The following ATAD2B variants were observed in gnomAD, a reference collection of about 807,000 sequenced individuals.
ATAD2B encodes ATPase family AAA domain-containing protein 2B.
In ATAD2B, 40 loss-of-function variants were observed where a neutral mutation model predicts 167.6. That is an observed-to-expected ratio of 0.24 (90% CI 0.19 to 0.31). The LOEUF is 0.31. Among genes scored for constraint, ATAD2B ranks in the 10% least tolerant of loss-of-function variants. The probability of loss-of-function intolerance (pLI) is 1.00; values close to 1 mark genes in which losing one functional copy is unlikely to be tolerated. For missense variants in ATAD2B, 1,242 were observed against 1,757.2 expected, an observed-to-expected ratio of 0.71 and a Z score of 5.24; for synonymous variants, 579 against 596.5, an observed-to-expected ratio of 0.97 and a Z score of 0.43.
intron 18 of ATAD2B, among the ~76,000 whole-genome samples, chr2:23,807,238 C>T (rs1272194192): frequency 6.6e-6 from 1 of 152,114 alleles, no homozygotes; most frequent in Non-Finnish European, 1.5e-5. Flanking sequence ...CTAAGCTTTG[C>T]TATTTACTAA....
chr2:23,736,652 G>C, the ATAD2B span, among the ~76,000 whole-genome samples: 1 of 152,168 alleles, frequency 6.6e-6, no homozygotes, highest in Non-Finnish European at 1.5e-5. Context: ...ATTTCCAACT[G>C]AGGTACCAGG....
At chr2:23,923,911 G>A (rs1157609368) in intron 1 of ATAD2B, among the ~76,000 whole-genome samples, 2 of 152,182 alleles carry the variant, frequency 1.3e-5, no homozygotes, top group African/African-American at 2.4e-5. Context: ...GGCTGGGCGC[G>A]GTGGCTCACG....
At chr2:23,863,580 G>A in intron 11 of ATAD2B, 25 bp from the exon 12 acceptor site, 2 of 1,528,282 alleles carry the variant, frequency 1.3e-6, no homozygotes, top group Non-Finnish European at 1.8e-6. Context: ...AAATCAAGAA[G>A]TGTAAATTAT....
chr2:23,757,687 C>T lies in ATAD2B; in HGVS notation c.3809G>A (p.Gly1270Asp), dbSNP rs761812706. The stretch of plus-strand genomic sequence containing the variant: ...TTCAAAACTGTCAGTGGAAGCCTCA[C>T]CATTTAGACAATTTCCTTTAAGGAA... Reference protein sequence around the residue: ...ETFLKGNCLNGEASTDSFEGI... With the variant: ...ETFLKGNCLNDEASTDSFEGI... Residue 1270 changes from glycine (G) to aspartate (D), a missense_variant, in exon 25 of 28, where the codon GGT becomes GAT. Physicochemically the swap from Gly to Asp is moderately conservative, Grantham distance 94. This residue lies in a region of ATAD2B where 282 missense variants were observed against 346.8 expected (regional missense o/e 0.81). Coordinates refer to ENST00000238789, the MANE Select transcript of ATAD2B (RefSeq NM_017552.4). The T allele has an allele frequency of 1.2e-6, 2 of 1,612,652 alleles. No homozygotes were observed. The highest frequency in any genetic ancestry group is 1.7e-6 in the Non-Finnish European group (2 of 1,179,474).
chr2:23,759,752 T>C (rs1055480275), intron 24 of ATAD2B, among the ~76,000 whole-genome samples: 1 of 152,182 alleles, frequency 6.6e-6, no homozygotes, highest in Non-Finnish European at 1.5e-5. Context: ...GTAATTAGCA[T>C]AGAGAAGAAA....
chr2:23,843,349 A>G (rs1691232055), intron 13 of ATAD2B, among the ~76,000 whole-genome samples: 1 of 152,264 alleles, frequency 6.6e-6, no homozygotes. Context: ...TAGACACAAA[A>G]TCAGAATAAA....
At chr2:23,799,835 A>G (rs1241005431) in intron 18 of ATAD2B, 1 of 152,100 alleles carries the variant, frequency 6.6e-6, no homozygotes, top group Non-Finnish European at 1.5e-5. Context: ...ATCAAAAGTA[A>G]TATTTGCTCC....
chr2:23,822,718 C>A (rs1297173611), intron 16 of ATAD2B, among the ~76,000 whole-genome samples: 1 of 151,530 alleles, frequency 6.6e-6, no homozygotes, highest in Non-Finnish European at 1.5e-5. Flanking sequence ...AAGTTGGAAA[C>A]CAGCCTGGCC....
intron 7 of ATAD2B, among the ~76,000 whole-genome samples, chr2:23,878,689 A>T (rs1323495233): frequency 1.3e-5 from 2 of 152,058 alleles, no homozygotes; most frequent in Non-Finnish European, 2.9e-5. Flanking sequence ...AAATAAAATA[A>T]TAAACTTCTG....
intron 1 of ATAD2B, among the ~76,000 whole-genome samples, chr2:23,899,466 C>T (rs931672101): frequency 4.6e-5 from 7 of 152,168 alleles, no homozygotes; most frequent in African/African-American, 1.7e-4. Flanking sequence ...AGCCAGCTAG[C>T]TACTTCCAAA....
intron 17 of ATAD2B, 89 bp downstream of exon 17, chr2:23,819,658 A>G (rs781489112): frequency 1.4e-5 from 15 of 1,075,850 alleles, no homozygotes; most frequent in Non-Finnish European, 1.7e-5. Context: ...CCTCACAGTT[A>G]TAACCATAAG....
chr2:23,786,215 C>G lies in ATAD2B; in HGVS notation c.2785G>C (p.Ala929Pro). The change falls in exon 21 of 28, where the codon GCT becomes CCT. Residue 929 changes from alanine (A) to proline (P), a missense_variant. Physicochemically the swap from Ala to Pro is conservative, Grantham distance 27. Around this residue, in one of 9 missense-constraint regions of ATAD2B, gnomAD observed 204 missense variants for 324.0 expected, o/e 0.63. Coordinates refer to ENST00000238789, the MANE Select transcript of ATAD2B (RefSeq NM_017552.4). ...AGTGCAAGAGGAAGCACTTCCATAG[C>G]ACAAAGAGCTAGAGAAAACAGAAGA... The part of the protein sequence containing the change: ...PPRRKHAALC[A>P]MEVLPLALPS... 1 of 1,574,152 alleles carries G rather than the reference C, an allele frequency of 6.4e-7. No individual in the cohort carries two copies. Among genetic ancestry groups the G allele is most frequent in the Non-Finnish European group, 8.6e-7 (1 of 1,159,178 alleles).
intron 13 of ATAD2B, among the ~76,000 whole-genome samples, chr2:23,834,884 C>G (rs1292264163): frequency 6.6e-6 from 1 of 152,030 alleles, no homozygotes; most frequent in Non-Finnish European, 1.5e-5. Context: ...GAGACCCCAT[C>G]TCCAAAAACG....
At chr2:23,693,430 G>T in the ATAD2B span, 4 of 1,551,716 alleles carry the variant, frequency 2.6e-6, no homozygotes, top group African/African-American at 2.7e-5. Context: ...CGACTTCATC[G>T]CCTACGTCTC....
At chr2:23,810,110 G>A (rs1685316992) in intron 18 of ATAD2B, among the ~76,000 whole-genome samples, 1 of 152,284 alleles carries the variant, frequency 6.6e-6, no homozygotes, top group Admixed American at 6.5e-5. Context: ...GGAGGATCAT[G>A]AGAAAGACAA....
intron 1 of ATAD2B, among the ~76,000 whole-genome samples, chr2:23,912,540 G>A (rs988313931): frequency 6.6e-6 from 1 of 151,864 alleles, no homozygotes; most frequent in Non-Finnish European, 1.5e-5. Context: ...ATGCCCAACT[G>A]TTTGGAAAGT....
intron 1 of ATAD2B, among the ~76,000 whole-genome samples, chr2:23,899,526 T>C (rs1700546686): frequency 6.6e-6 from 1 of 152,194 alleles, no homozygotes; most frequent in African/African-American, 2.4e-5. Context: ...TTCAATCTTA[T>C]AACAATCCTT....
At chr2:23,788,480 T>C (rs754034944) in intron 20 of ATAD2B, 32 bp downstream of exon 20, 2 of 1,604,878 alleles carry the variant, frequency 1.2e-6, no homozygotes, top group Admixed American at 1.7e-5. Flanking sequence ...ACTCCATCCC[T>C]CCCATTTTCC....
At chr2:23,864,947 T>A (rs1694921418) in intron 10 of ATAD2B, 23 bp from the exon 11 acceptor site, 1 of 1,370,116 alleles carries the variant, frequency 7.3e-7, no homozygotes, top group Admixed American at 2.6e-5. Context: ...GGGAAAAATT[T>A]GATATCAAAC....
Sources: allele counts gnomAD v4.1 joint callset (sites outside exome capture counted in the v4.1 genomes callset), GRCh38; gene constraint gnomAD v4.1.1; regional missense constraint gnomAD v4.1.1; transcripts MANE v1.5; gene names NCBI Gene and HGNC (gene_info 2026-07-23, HGNC 2026-07-21).